MEGF11: variants seen among roughly 807,000 people sequenced by gnomAD.
The protein encoded by MEGF11 is multiple epidermal growth factor-like domains protein 11.
A neutral mutation model predicts 146.6 loss-of-function variants in MEGF11; 126 were observed. The ratio of observed to expected loss-of-function variants is 0.86; its 90% confidence interval spans 0.74 to 1.00. MEGF11 has a LOEUF of 1.00. MEGF11 is among the 50% of genes least tolerant of loss of function. The pLI, the probability that MEGF11 is intolerant of heterozygous loss-of-function variation, is 0.00. For missense variants in MEGF11, 1,509 were observed against 1,521.2 expected (o/e 0.99, Z 0.13); for synonymous variants, 532 against 583.4 (o/e 0.91, Z 1.27).
chr15:65,931,809 A>G (rs1233921265), intron 10 of MEGF11, among the ~76,000 whole-genome samples: 3 of 152,272 alleles, frequency 2.0e-5, no homozygotes, highest in African/African-American at 7.2e-5. Context: ...CTTTCTCAAT[A>G]TCATGTGCCA....
chr15:66,208,112 CAG>C (rs1402959526), intron 1 of MEGF11, among the ~76,000 whole-genome samples: 1 of 150,570 alleles, frequency 6.6e-6, no homozygotes, highest in African/African-American at 2.4e-5. Flanking sequence ...GAAGAAGAAG[CAG>C]AGACTGGAAC....
chr15:66,121,914 G>A (rs369544991), intron 3 of MEGF11, among the ~76,000 whole-genome samples: 13 of 152,026 alleles, frequency 8.6e-5, no homozygotes, highest in East Asian at 3.9e-4. Flanking sequence ...AATAGAATCC[G>A]GTCTCCCCAT....
At chr15:65,903,257 C>G (rs896325256) in intron 24 of MEGF11, among the ~76,000 whole-genome samples, 1 of 152,204 alleles carries the variant, frequency 6.6e-6, no homozygotes, top group African/African-American at 2.4e-5. Context: ...ACAGTGGGCT[C>G]AAGGATTCCA....
At chr15:66,252,248 G>A (rs1363559822) in intron 1 of MEGF11, among the ~76,000 whole-genome samples, 8 of 29,988 alleles carry the variant, frequency 2.7e-4, no homozygotes, top group Non-Finnish European at 7.1e-5. Context: ...ACCCCCCACC[G>A]GCCGGGGTTT....
intron 1 of MEGF11, among the ~76,000 whole-genome samples, chr15:66,193,715 C>T (rs1211675286): frequency 6.6e-6 from 1 of 151,972 alleles, no homozygotes; most frequent in Non-Finnish European, 1.5e-5. Context: ...GAGTCTGGAA[C>T]AGTATATGTC....
At chr15:66,042,432 C>T (rs899142235) in intron 5 of MEGF11, among the ~76,000 whole-genome samples, 3 of 152,056 alleles carry the variant, frequency 2.0e-5, no homozygotes, top group African/African-American at 7.2e-5. Flanking sequence ...ATTTCATTAC[C>T]CAGGGGACGT....
chr15:66,065,633 C>T (rs1567224916), intron 5 of MEGF11, among the ~76,000 whole-genome samples: 1 of 152,206 alleles, frequency 6.6e-6, no homozygotes, highest in Non-Finnish European at 1.5e-5. Context: ...GCTCAGCAAA[C>T]ATTTCCTGCG....
intron 5 of MEGF11, among the ~76,000 whole-genome samples, chr15:66,021,945 G>C (rs2140179083): frequency 6.6e-6 from 1 of 152,348 alleles, no homozygotes; most frequent in East Asian, 1.9e-4. Context: ...CTGGGGGACA[G>C]GGCAGTCCAG....
At chr15:66,133,368 A>G (rs1041057986) in intron 1 of MEGF11, among the ~76,000 whole-genome samples, 4 of 152,262 alleles carry the variant, frequency 2.6e-5, no homozygotes, top group Non-Finnish European at 4.4e-5. Flanking sequence ...GGGAAGCAGC[A>G]GAAGCAAACC....
chr15:66,087,031 T>C (rs1352672336), intron 5 of MEGF11, among the ~76,000 whole-genome samples: 1 of 152,120 alleles, frequency 6.6e-6, no homozygotes, highest in Non-Finnish European at 1.5e-5. Flanking sequence ...CATTCTTATA[T>C]TACACAAAAC....
At chr15:65,918,231 C>A in intron 15 of MEGF11, 137 bp from the exon 16 acceptor site, 2 of 1,213,228 alleles carry the variant, frequency 1.6e-6, no homozygotes, top group South Asian at 1.4e-5. Flanking sequence ...AGACCACGCC[C>A]GCCTTGGTAC....
chr15:66,191,098 TTAAGA>T (rs1324952631), intron 1 of MEGF11, among the ~76,000 whole-genome samples: 2 of 152,080 alleles, frequency 1.3e-5, no homozygotes, highest in African/African-American at 4.8e-5. Flanking sequence ...CAGGCCAGAC[TTAAGA>T]TGGAAGGCTG....
At chr15:66,231,829 G>T (rs929908791) in intron 1 of MEGF11, among the ~76,000 whole-genome samples, 2 of 152,184 alleles carry the variant, frequency 1.3e-5, no homozygotes, top group African/African-American at 4.8e-5. Context: ...AATACAATTT[G>T]CTTTGTGGAA....
intron 1 of MEGF11, among the ~76,000 whole-genome samples, chr15:66,154,645 CAG>C: frequency 6.6e-6 from 1 of 152,226 alleles, no homozygotes; most frequent in Non-Finnish European, 1.5e-5. Context: ...ACGTGCAAGA[CAG>C]AGACACTTCT....
At chr15:66,094,531 C>T (rs1443289682) in intron 4 of MEGF11, 37 bp from the exon 5 acceptor site, 7 of 1,525,222 alleles carry the variant, frequency 4.6e-6, no homozygotes, top group Non-Finnish European at 4.4e-6. Context: ...AGAACCAGAA[C>T]AAACAGTGAA....
At chr15:66,031,001 C>G (rs1351468729) in intron 5 of MEGF11, among the ~76,000 whole-genome samples, 2 of 152,188 alleles carry the variant, frequency 1.3e-5, no homozygotes, top group Non-Finnish European at 2.9e-5. Flanking sequence ...CTTGCCCATT[C>G]TGTACCCAAA....
intron 10 of MEGF11, among the ~76,000 whole-genome samples, 182 bp downstream of exon 10, chr15:65,957,365 T>G (rs567871072): frequency 2.0e-5 from 3 of 152,168 alleles, no homozygotes; most frequent in Non-Finnish European, 2.9e-5. Flanking sequence ...CTATTATTTT[T>G]AGTATTACAA....
chr15:65,920,718 T>C (rs1445282137), intron 15 of MEGF11, among the ~76,000 whole-genome samples: 1 of 152,276 alleles, frequency 6.6e-6, no homozygotes, highest in Non-Finnish European at 1.5e-5. Context: ...GCGTAAGCAG[T>C]GTCTGTAATT....
intron 12 of MEGF11, among the ~76,000 whole-genome samples, chr15:65,928,795 G>C (rs1471056683): frequency 2.0e-5 from 3 of 152,208 alleles, no homozygotes; most frequent in Middle Eastern, 3.4e-3. Context: ...ATGAGGTTGA[G>C]AAGGAGGTGA....
Sources: gnomAD v4.1 joint callset for allele counts (sites outside exome capture counted in the v4.1 genomes callset) on GRCh38, gnomAD v4.1.1 for gene constraint, MANE v1.5 for transcripts, NCBI Gene and HGNC (gene_info 2026-07-23, HGNC 2026-07-21) for gene names.